The following MDGA2 variants were observed in gnomAD, a reference collection of about 807,000 sequenced individuals.
MDGA2 encodes the protein MAM domain-containing glycosylphosphatidylinositol anchor protein 2.
MDGA2 carries 40 observed loss-of-function variants against 117.8 expected under a neutral mutation model. That is an observed-to-expected ratio of 0.34 (90% CI 0.26 to 0.44). The LOEUF is 0.44. MDGA2 is among the 20% of genes least tolerant of loss of function. The pLI, the probability that MDGA2 is intolerant of heterozygous loss-of-function variation, is 1.00. For missense variants in MDGA2, 1,123 were observed against 1,250.6 expected (o/e 0.90, Z 1.54); for synonymous variants, 452 against 439.0 (o/e 1.03, Z -0.37).
chr14:47,177,683 G>A (rs1224123055), intron 3 of MDGA2, among the ~76,000 whole-genome samples: 5 of 152,108 alleles, frequency 3.3e-5, no homozygotes, highest in African/African-American at 1.2e-4. Flanking sequence ...ATAGCAGTAG[G>A]AGATATACCT....
chr14:46,901,806 G>T (rs1883296624), intron 10 of MDGA2, among the ~76,000 whole-genome samples: 1 of 152,144 alleles, frequency 6.6e-6, no homozygotes, highest in Non-Finnish European at 1.5e-5. Flanking sequence ...CCAAAACTGA[G>T]CATTCTCTGA....
intron 1 of MDGA2, among the ~76,000 whole-genome samples, chr14:47,516,884 T>G (rs969948804): frequency 2.6e-5 from 4 of 152,182 alleles, no homozygotes; most frequent in Non-Finnish European, 5.9e-5. Flanking sequence ...AGACTTCTAA[T>G]TCAAGGGTAA....
chr14:47,411,539 T>C (rs910543402), intron 1 of MDGA2, among the ~76,000 whole-genome samples: 3 of 152,136 alleles, frequency 2.0e-5, no homozygotes, highest in Non-Finnish European at 4.4e-5. Flanking sequence ...TTTTATTACG[T>C]CACTAGGATC....
intron 1 of MDGA2, among the ~76,000 whole-genome samples, chr14:47,638,437 T>C (rs1958628): frequency 0.4 from 60,779 of 151,960 alleles, 13,255 homozygotes; most frequent in Middle Eastern, 0.51. Flanking sequence ...TCATTAAATG[T>C]ATACCATGTG....
intron 1 of MDGA2, among the ~76,000 whole-genome samples, chr14:47,654,319 T>C (rs1258622998): frequency 6.6e-6 from 1 of 152,096 alleles, no homozygotes; most frequent in Non-Finnish European, 1.5e-5. Context: ...GGACACTAGG[T>C]GCCTACAGAA....
At chr14:47,218,292 G>A (rs1886174257) in intron 2 of MDGA2, 97 bp from the exon 3 acceptor site, 2 of 1,000,068 alleles carry the variant, frequency 2.0e-6, no homozygotes, top group Non-Finnish European at 1.4e-6. Context: ...ATTTAGAGCT[G>A]CTACATTGCC....
intron 1 of MDGA2, among the ~76,000 whole-genome samples, chr14:47,605,218 G>A (rs1896721100): frequency 6.6e-6 from 1 of 151,986 alleles, no homozygotes; most frequent in Non-Finnish European, 1.5e-5. Context: ...CACAGCACTT[G>A]ACCAGGACCC....
intron 6 of MDGA2, among the ~76,000 whole-genome samples, chr14:47,066,198 G>A (rs1433854087): frequency 1.3e-5 from 2 of 152,164 alleles, no homozygotes; most frequent in Admixed American, 1.3e-4. Context: ...TGGGGTTGGA[G>A]TGGGTACACC....
chr14:47,665,119 C>G (rs1897919346), intron 1 of MDGA2, among the ~76,000 whole-genome samples: 1 of 152,122 alleles, frequency 6.6e-6, no homozygotes, highest in South Asian at 2.1e-4. Flanking sequence ...ACTGTTCCTC[C>G]ACCTAGAACC....
intron 1 of MDGA2, among the ~76,000 whole-genome samples, chr14:47,613,479 TCACACACA>T (rs1555336468): frequency 1.4e-5 from 2 of 141,088 alleles, no homozygotes; most frequent in Admixed American, 1.4e-4. Flanking sequence ...TCTCTCTCTC[TCACACACA>T]CACACACACA....
At chr14:47,420,952 T>C (rs990541695) in intron 1 of MDGA2, among the ~76,000 whole-genome samples, 1 of 152,122 alleles carries the variant, frequency 6.6e-6, no homozygotes, top group Admixed American at 6.6e-5. Flanking sequence ...CATTCATTTA[T>C]ATACAAAGAA....
rs68070912 is a variant in MDGA2, at chr14:47,308,502, GTTTTTTT to G, written c.281-6959_281-6953del. ...TTCTTTTTTCCCTCTCTTTCTGTTAGTTTTTTTTTTTTTTTTTTTTACAAATTCAACT... is the reference window on the plus strand; with the variant it reads ...TTCTTTTTTCCCTCTCTTTCTGTTAGTTTTTTTTTTTTTACAAATTCAACT... On this transcript the variant is annotated intron_variant, in intron 1 of 16. Transcript: ENST00000399232. Among the ~76,000 whole-genome samples the G allele has an allele frequency of 1.2e-3, 133 of 112,886 alleles. 1 individual carries two copies. Among genetic ancestry groups the G allele is most frequent in the African/African-American group, 3.7e-3 (112 of 30,354 alleles). 74.1% of individuals were successfully genotyped at this position (112,886 alleles called of 152,430 possible).
rs190754221 is a variant in MDGA2 at position 47,300,744 on chromosome 14, T to C, written c.420+667A>G. Among the ~76,000 whole-genome samples, 1,505 of 151,964 alleles carry C rather than the reference T, an allele frequency of 9.9e-3. 26 individuals are homozygous for C. The highest frequency in any genetic ancestry group is 0.035 in the African/African-American group (1,442 of 41,462). On this transcript the variant is annotated intron_variant, in intron 2 of 16. Transcript: ENST00000399232. Reference sequence around the variant, plus strand: ...CAACTTCTGGCCTCAAATGATCCCCTTGCCTCAGCCTCACAAAGTGCTGAG... The same window carrying C: ...CAACTTCTGGCCTCAAATGATCCCCCTGCCTCAGCCTCACAAAGTGCTGAG...
Position 46,865,915 on chromosome 14 carries a change from T to C in MDGA2, c.2752+7518A>G, listed in dbSNP as rs1463268781. Among the ~76,000 whole-genome samples the C allele has an allele frequency of 3.3e-3, 496 of 150,170 alleles. 4 individuals carry two copies. The highest frequency in any genetic ancestry group is 0.012 in the African/African-American group (473 of 41,050). On this transcript the variant is annotated intron_variant, in intron 14 of 16. Coordinates refer to ENST00000399232, the MANE Select transcript of MDGA2 (RefSeq NM_001113498.3). ...GAGGATACAAACAAATGGAAGAACA[T>C]TCCATGCTCATGGGTAGGAAGAATC...
intron 1 of MDGA2, among the ~76,000 whole-genome samples, chr14:47,451,280 T>G (rs1022230886): frequency 6.6e-6 from 1 of 152,100 alleles, no homozygotes; most frequent in African/African-American, 2.4e-5. Flanking sequence ...AGAAGGAAAC[T>G]GGGATAAGGG....
chr14:47,496,030 T>G (rs1354101455), intron 1 of MDGA2, among the ~76,000 whole-genome samples: 1 of 152,044 alleles, frequency 6.6e-6, no homozygotes, highest in Non-Finnish European at 1.5e-5. Context: ...TTGGGTAAAT[T>G]GCCTCTTCAC....
intron 3 of MDGA2, chr14:47,200,892 G>T (rs912917750): frequency 1.2e-6 from 1 of 849,944 alleles, no homozygotes. Context: ...AGGCAGTCCA[G>T]AGCGGCCTGG....
At chr14:47,470,597 G>A (rs1466625179) in intron 1 of MDGA2, among the ~76,000 whole-genome samples, 1 of 152,168 alleles carries the variant, frequency 6.6e-6, no homozygotes, top group East Asian at 1.9e-4. Context: ...TGTCTTTATC[G>A]TAGAATGATT....
chr14:47,219,360 T>C (rs1886213801), intron 2 of MDGA2, among the ~76,000 whole-genome samples: 3 of 152,060 alleles, frequency 2.0e-5, no homozygotes, highest in African/African-American at 7.2e-5. Context: ...ATAAAAATGT[T>C]ATTAAGAGAT....
Sources: allele counts gnomAD v4.1 joint callset (sites outside exome capture counted in the v4.1 genomes callset), GRCh38; gene constraint gnomAD v4.1.1; transcripts MANE v1.5; gene names NCBI Gene and HGNC (gene_info 2026-07-23, HGNC 2026-07-21).